GIT2: variants seen among roughly 807,000 people sequenced by gnomAD.
GIT2 encodes the protein GIT ArfGAP 2, also known as ARF GTPase-activating protein GIT2.
A neutral mutation model predicts 100.3 loss-of-function variants in GIT2; 32 were observed. The ratio of observed to expected loss-of-function variants is 0.32; its 90% CI spans 0.24 to 0.43. The LOEUF is 0.43. Among genes scored for constraint, GIT2 ranks in the 20% least tolerant of loss-of-function variants. The probability of loss-of-function intolerance (pLI) is 1.00; values close to 1 mark genes in which losing one functional copy is unlikely to be tolerated. For synonymous variants in GIT2, 353 were observed against 364.1 expected (o/e 0.97, Z 0.35); for missense variants, 737 against 975.1 (o/e 0.76, Z 3.25).
rs989052222 is a variant in GIT2, at chr12:109,987,226, C to A, written c.405+1737G>T. ...TGAAACCCTGTCTCTACTAAAAATACAAAAAAAATTAGCCGGGTGTGGTGG... is the reference window on the plus strand; with the variant it reads ...TGAAACCCTGTCTCTACTAAAAATAAAAAAAAAATTAGCCGGGTGTGGTGG... On this transcript the variant is annotated intron_variant, in intron 4 of 19. Transcript: ENST00000355312. 2.0e-5 allele frequency among the ~76,000 whole-genome samples: 3 copies of A among 147,606 alleles called. No individual in the cohort carries two copies. In the South Asian group the frequency reaches 6.4e-4, roughly 32 times the overall value.
In GIT2 at chr12:109,933,874, T is replaced by C; in HGVS notation, c.2067+148A>G. On this transcript the variant is annotated intron_variant, in intron 19 of 19. Transcript: ENST00000355312. The surrounding 1 kb of genome is among the most constrained non-coding windows in gnomAD (Gnocchi z 4.5). ...TCTCGGCCTCCCAAAGTGCTGGGGT[T>C]ACAGGCGTGAGCCACCACACCCGGC... The C allele has an allele frequency of 3.1e-6, 2 of 640,020 alleles. No individual in the cohort carries two copies. Among genetic ancestry groups the C allele is most frequent in the South Asian group, 3.5e-5 (2 of 57,044 alleles). The allele number at this position is 640,020 out of a possible 1,614,324, so 39.6% of individuals were successfully genotyped here. A position where few individuals can be genotyped will look rare whatever the true frequency, so the allele number is the denominator to read the frequency against.
chr12:109,946,253 C>A (rs778497030), intron 15 of GIT2, among the ~76,000 whole-genome samples: 16 of 152,058 alleles, frequency 1.1e-4, no homozygotes, highest in Non-Finnish European at 2.4e-4. Flanking sequence ...AACAGACTCC[C>A]AATTATAGTA....
At chr12:109,992,220 C>T (rs1438789066) in intron 1 of GIT2, 1 of 141,794 alleles carries the variant, frequency 7.1e-6, no homozygotes, top group Non-Finnish European at 1.5e-5. Context: ...AATCTTGGCT[C>T]ACTGCAACCT....
At chr12:109,996,066 C>T in intron 1 of GIT2, 107 bp downstream of exon 1, 2 of 707,892 alleles carry the variant, frequency 2.8e-6, no homozygotes, top group South Asian at 4.2e-5. Context: ...GGGACCTCTT[C>T]GTTGCGACCC....
chr12:110,000,002 T>G (rs1889866285), upstream of GIT2, among the ~76,000 whole-genome samples: 1 of 152,150 alleles, frequency 6.6e-6, no homozygotes, highest in Non-Finnish European at 1.5e-5. Context: ...CCAATAACGC[T>G]GGTGGGTAGG....
intron 1 of GIT2, among the ~76,000 whole-genome samples, chr12:109,995,430 A>C (rs1889161362): frequency 6.6e-6 from 1 of 152,238 alleles, no homozygotes; most frequent in African/African-American, 2.4e-5. Flanking sequence ...GAAAAGCCTT[A>C]GATGATATGA....
At chr12:109,985,882 ACT>A (rs1887286393) in intron 4 of GIT2, among the ~76,000 whole-genome samples, 1 of 145,512 alleles carries the variant, frequency 6.9e-6, no homozygotes, top group Non-Finnish European at 1.5e-5. Context: ...ACACACACAC[ACT>A]AGCCAGGCTT....
At chr12:109,975,752 G>T (rs1475371366) in intron 7 of GIT2, among the ~76,000 whole-genome samples, 1 of 144,296 alleles carries the variant, frequency 6.9e-6, no homozygotes, top group East Asian at 2.0e-4. Context: ...TAGCATTTTT[G>T]ATCACATATC....
At chr12:109,993,020 G>T (rs1479952107) in intron 1 of GIT2, among the ~76,000 whole-genome samples, 5 of 137,480 alleles carry the variant, frequency 3.6e-5, no homozygotes, top group Non-Finnish European at 7.9e-5. Context: ...CAACTGATCT[G>T]AAAAAAAAAA....
intron 7 of GIT2, among the ~76,000 whole-genome samples, chr12:109,979,495 G>C (rs576857583): frequency 6.6e-6 from 1 of 152,008 alleles, no homozygotes; most frequent in East Asian, 1.9e-4. Context: ...GGATGATCTG[G>C]ATCTCCTGAC....
upstream of GIT2, chr12:109,999,499 G>A (rs898607453): frequency 2.0e-5 from 6 of 303,010 alleles, no homozygotes; most frequent in South Asian, 3.2e-4. This position sits in a 1 kb window ranked among gnomAD's most constrained non-coding sequence, Gnocchi z 4.3. Flanking sequence ...CGGCCGACCT[G>A]GTCCCTGAGC....
upstream of GIT2, chr12:109,998,959 T>C (rs974007371): frequency 6.6e-6 from 1 of 152,280 alleles, no homozygotes; most frequent in African/African-American, 2.4e-5. Flanking sequence ...TCCCCTTTTA[T>C]GCAAATACTG....
At chr12:109,975,771 C>CTTTT (rs770898259) in intron 7 of GIT2, among the ~76,000 whole-genome samples, 1 of 121,400 alleles carries the variant, frequency 8.2e-6, no homozygotes, top group African/African-American at 3.1e-5. Flanking sequence ...TCTTTGTAGT[C>CTTTT]TTTTTTTTTT....
At chr12:109,989,090 A>G in intron 3 of GIT2, 22 bp from the exon 4 acceptor site, 2 of 1,405,036 alleles carry the variant, frequency 1.4e-6, no homozygotes, top group Non-Finnish European at 2.0e-6. Flanking sequence ...ACAAAAAAGA[A>G]AACAGTTCAC....
chr12:109,961,118 T>C (rs1388006319), intron 11 of GIT2, among the ~76,000 whole-genome samples, 160 bp downstream of exon 11: 3 of 152,254 alleles, frequency 2.0e-5, no homozygotes, highest in African/African-American at 7.2e-5. Context: ...ATTTATAGTC[T>C]ATTGTTTTTC....
At chr12:109,967,281 T>C in intron 8 of GIT2, 177 bp downstream of exon 8, 2 of 1,548,534 alleles carry the variant, frequency 1.3e-6, no homozygotes, top group African/African-American at 2.8e-5. Flanking sequence ...TTGTGCTCTT[T>C]GAAACTTAAG....
At chr12:109,953,278 GCTTTTCTTCC>G in intron 12 of GIT2, 44 bp from the exon 13 acceptor site, 1 of 1,596,032 alleles carries the variant, frequency 6.3e-7, no homozygotes, top group African/African-American at 1.3e-5. Flanking sequence ...TTAAAACATT[GCTTTTCTTCC>G]AAAAAACTAC....
chr12:109,983,864 G>C, intron 4 of GIT2, 170 bp from the exon 5 acceptor site: 1 of 566,726 alleles, frequency 1.8e-6, no homozygotes, highest in East Asian at 3.0e-5. Context: ...AACTGTCCCT[G>C]GGCTGTAAGG....
In GIT2 at chr12:109,978,841, G is replaced by C. The variant is rs1167476845; in HGVS notation, c.718+2111C>G. ...AACGCCAACATTTGTGTCATCTTGG[G>C]GTTGGCATCTGTTGGCTGCCTTCCC... On this transcript the variant is annotated intron_variant, in intron 7 of 19. Transcript: ENST00000355312. 3.9e-5 allele frequency among the ~76,000 whole-genome samples: 6 copies of C among 152,180 alleles called. No homozygotes were observed. In the East Asian group the frequency reaches 1.2e-3, roughly 29 times the overall value.
Sources: allele counts gnomAD v4.1 joint callset (sites outside exome capture counted in the v4.1 genomes callset), GRCh38; gene constraint gnomAD v4.1.1; non-coding constraint Gnocchi (gnomAD v3.1); transcripts MANE v1.5; gene names NCBI Gene and HGNC (gene_info 2026-07-23, HGNC 2026-07-21).